Variants in SEC22C observed in about 807,000 individuals in gnomAD.
SEC22C encodes vesicle-trafficking protein SEC22c.
A neutral mutation model predicts 34.7 loss-of-function variants in SEC22C; 29 were observed. The observed-to-expected ratio is 0.84, with a 90% confidence interval of 0.62 to 1.14. SEC22C has a LOEUF of 1.14. Among genes scored for constraint, SEC22C ranks in the 50% most tolerant of loss-of-function variants. SEC22C has a pLI of 0.00. For synonymous variants in SEC22C, 117 were observed against 132.8 expected (o/e 0.88, Z 0.82); for missense variants, 337 against 369.0 (o/e 0.91, Z 0.71).
chr3:42,560,256 G>T (rs1345487370), intron 4 of SEC22C, among the ~76,000 whole-genome samples: 2 of 147,126 alleles, frequency 1.4e-5, no homozygotes, highest in South Asian at 2.1e-4. Context: ...AAAAGAGAAT[G>T]AATCTTCTTT....
Position 42,581,882 on chromosome 3 carries a change from C to A in SEC22C, c.-64G>T, listed in dbSNP as rs887407575. ...GGCGGCCTTCGGAAGTCGGCGCCTG[C>A]CAGCTACCCGCCGCCTCCTCAGCAA... is the stretch of plus-strand genomic sequence containing the variant. On this transcript the variant is annotated 5_prime_UTR_variant, in exon 1 of 7. Coordinates refer to ENST00000264454, the MANE Select transcript of SEC22C (RefSeq NM_032970.4). 3.3e-5 allele frequency: 5 copies of A among 152,390 alleles called. No homozygotes were observed. Among genetic ancestry groups the A allele is most frequent in the African/African-American group, 4.8e-5 (2 of 41,472 alleles). 9.4% of individuals were successfully genotyped at this position (152,390 alleles called of 1,614,324 possible).
At chr3:42,556,506 T>C (rs996584481) in intron 5 of SEC22C, among the ~76,000 whole-genome samples, 10 of 152,142 alleles carry the variant, frequency 6.6e-5, no homozygotes, top group African/African-American at 2.2e-4. Context: ...CACACATTGA[T>C]CAAAGACAGG....
chr3:42,577,257 A>G, intron 1 of SEC22C, among the ~76,000 whole-genome samples: 1 of 152,168 alleles, frequency 6.6e-6, no homozygotes, highest in East Asian at 1.9e-4. Context: ...GGAAAACTGG[A>G]CTGCAACAAA....
At chr3:42,584,785 G>C (rs559269309), upstream of SEC22C, among the ~76,000 whole-genome samples, 1 of 152,286 alleles carries the variant, frequency 6.6e-6, no homozygotes, top group African/African-American at 2.4e-5. Flanking sequence ...GAAAAACCAG[G>C]AGATTCAGGG....
chr3:42,578,253 G>C (rs1242766060), intron 1 of SEC22C, among the ~76,000 whole-genome samples: 1 of 152,062 alleles, frequency 6.6e-6, no homozygotes, highest in African/African-American at 2.4e-5. Flanking sequence ...CTATGGTCCT[G>C]GTACACAGAA....
chr3:42,598,767 TAC>T (rs775052963), intron 1 of SEC22C, among the ~76,000 whole-genome samples: 1 of 152,036 alleles, frequency 6.6e-6, no homozygotes, highest in Non-Finnish European at 1.5e-5. Context: ...TGTTTAATAA[TAC>T]AGAGTTTCAG....
At chr3:42,563,977 A>G in intron 2 of SEC22C, 2 of 1,284,666 alleles carry the variant, frequency 1.6e-6, no homozygotes, top group Non-Finnish European at 2.0e-6. Context: ...AGACTTCTCC[A>G]CATCTATTGA....
chr3:42,570,202 C>T (rs920960926), intron 1 of SEC22C, among the ~76,000 whole-genome samples: 1 of 152,190 alleles, frequency 6.6e-6, no homozygotes. Flanking sequence ...CTCTTCATCT[C>T]TGTACCTCTA....
intron 1 of SEC22C, chr3:42,590,962 A>T (rs1704804734): frequency 2.3e-6 from 1 of 443,718 alleles, no homozygotes. Flanking sequence ...GAGACTATCC[A>T]GCGGGTGAGC....
At chr3:42,570,295 C>T (rs1703538566) in intron 1 of SEC22C, among the ~76,000 whole-genome samples, 1 of 152,202 alleles carries the variant, frequency 6.6e-6, no homozygotes, top group Admixed American at 6.5e-5. Flanking sequence ...TCAAATCCAC[C>T]TTCTCAGACT....
At chr3:42,566,170 G>C (rs1170862026) in intron 2 of SEC22C, among the ~76,000 whole-genome samples, 1 of 152,174 alleles carries the variant, frequency 6.6e-6, no homozygotes, top group Non-Finnish European at 1.5e-5. Flanking sequence ...ATGTGGGCAG[G>C]TGCAACTCAG....
At chr3:42,577,264 C>A (rs1034307598) in intron 1 of SEC22C, among the ~76,000 whole-genome samples, 4 of 152,096 alleles carry the variant, frequency 2.6e-5, no homozygotes, top group African/African-American at 9.7e-5. Context: ...TGGACTGCAA[C>A]AAAATTGAAC....
chr3:42,562,067 G>T (rs1377091803), intron 3 of SEC22C, among the ~76,000 whole-genome samples: 1 of 152,014 alleles, frequency 6.6e-6, no homozygotes, highest in African/African-American at 2.4e-5. Flanking sequence ...TATTTGAAAA[G>T]TATTCATTTT....
chr3:42,591,609 C>T, intron 1 of SEC22C: 1 of 1,604,272 alleles, frequency 6.2e-7, no homozygotes, highest in Non-Finnish European at 8.5e-7. Flanking sequence ...GCAGTAAGTA[C>T]CCCCACCCCC....
rs1272209413 is a variant in SEC22C, at chr3:42,552,907, G to C, written c.*341C>G. ...CTCAATGACTAAAACCAGTGTTATT[G>C]AATCAAGTGGTTTACTGTATCATTC... On this transcript the variant is annotated 3_prime_UTR_variant, in exon 7 of 7. Transcript: ENST00000264454. 1 of 1,068,812 alleles carries C rather than the reference G, an allele frequency of 9.4e-7. No homozygotes were observed. Among genetic ancestry groups the C allele is most frequent in the African/African-American group, 1.7e-5 (1 of 58,820 alleles). 66.2% of individuals were successfully genotyped at this position (1,068,812 alleles called of 1,614,324 possible). A position where few individuals can be genotyped will look rare whatever the true frequency, so the allele number is the denominator to read the frequency against.
chr3:42,576,536 T>C (rs1481422552), intron 1 of SEC22C, among the ~76,000 whole-genome samples: 3 of 152,100 alleles, frequency 2.0e-5, no homozygotes, highest in East Asian at 3.8e-4. Flanking sequence ...AATAAAGCTA[T>C]AATTTTTTAA....
intron 1 of SEC22C, among the ~76,000 whole-genome samples, chr3:42,574,738 C>G (rs1302463704): frequency 6.6e-6 from 1 of 152,186 alleles, no homozygotes; most frequent in Non-Finnish European, 1.5e-5. Context: ...ACAAGTCATA[C>G]ACATACTCAC....
In SEC22C at chr3:42,555,924, A is replaced by G; in HGVS notation, c.711+6T>C. On this transcript the variant is annotated splice_donor_region_variant and intron_variant, in intron 6 of 6. Coordinates refer to ENST00000264454, the MANE Select transcript of SEC22C (RefSeq NM_032970.4). ...AATCCACTGACCAAAATATCGTTTC[A>G]CCCACCTGGAAAATGCAGGCTACGA... The G allele has an allele frequency of 1.2e-6, 2 of 1,611,180 alleles. No homozygotes were observed. The highest frequency in any genetic ancestry group is 1.7e-6 in the Non-Finnish European group (2 of 1,177,532).
In SEC22C at chr3:42,548,639, A is replaced by G. The variant is rs1702097950; in HGVS notation, c.*4609T>C. The stretch of plus-strand genomic sequence containing the variant: ...GCTCACGAGGTTTGGTCCAACCAGC[A>G]GAACCAGCTCCTTGGATCCTGGAAT... On this transcript the variant is annotated 3_prime_UTR_variant, in exon 7 of 7. Coordinates refer to ENST00000264454, the MANE Select transcript of SEC22C (RefSeq NM_032970.4). 1.2e-6 allele frequency: 2 copies of G among 1,614,052 alleles called. No homozygotes were observed. Among genetic ancestry groups the G allele is most frequent in the South Asian group, 2.2e-5 (2 of 91,068 alleles).
Sources: allele counts gnomAD v4.1 joint callset (sites outside exome capture counted in the v4.1 genomes callset), GRCh38; gene constraint gnomAD v4.1.1; transcripts MANE v1.5; gene names NCBI Gene and HGNC (gene_info 2026-07-23, HGNC 2026-07-21).